The following MEF2A variants were observed in gnomAD, a reference collection of about 807,000 sequenced individuals.
The protein encoded by MEF2A is myocyte-specific enhancer factor 2A.
MEF2A carries 28 observed loss-of-function variants against 55.8 expected under a neutral mutation model. The ratio of observed to expected loss-of-function variants is 0.50; its 90% CI spans 0.37 to 0.69. MEF2A has a LOEUF of 0.69. Among genes scored for constraint, MEF2A ranks in the 30% least tolerant of loss-of-function variants. The pLI, the probability that MEF2A is intolerant of heterozygous loss-of-function variation, is 0.00. For missense variants in MEF2A, 528 were observed against 626.2 expected (o/e 0.84, Z 1.67); for synonymous variants, 239 against 227.1 (o/e 1.05, Z -0.47).
intron 4 of MEF2A, among the ~76,000 whole-genome samples, chr15:99,660,525 C>T (rs2153566552): frequency 6.6e-6 from 1 of 152,230 alleles, no homozygotes; most frequent in Admixed American, 6.5e-5. Flanking sequence ...GAATGGGAAC[C>T]CTGAGGTCCT....
chr15:99,599,596 A>G (rs1972317903), intron 2 of MEF2A, among the ~76,000 whole-genome samples: 1 of 152,166 alleles, frequency 6.6e-6, no homozygotes, highest in Admixed American at 6.6e-5. Context: ...AGCCCATTTA[A>G]TGATTGATAA....
At chr15:99,603,846 A>T (rs1974169568) in intron 2 of MEF2A, among the ~76,000 whole-genome samples, 1 of 152,144 alleles carries the variant, frequency 6.6e-6, no homozygotes, top group South Asian at 2.1e-4. Flanking sequence ...ATAATTTCTG[A>T]AAGAGAAGTG....
intron 8 of MEF2A, among the ~76,000 whole-genome samples, chr15:99,699,145 A>G (rs751867302): frequency 6.6e-6 from 1 of 152,212 alleles, no homozygotes; most frequent in Non-Finnish European, 1.5e-5. Flanking sequence ...AACTATACTT[A>G]TAAGAAACCC....
At chr15:99,601,545 G>C (rs915513970) in intron 2 of MEF2A, among the ~76,000 whole-genome samples, 1 of 149,178 alleles carries the variant, frequency 6.7e-6, no homozygotes, top group Admixed American at 6.7e-5. Context: ...TCACGAGTAG[G>C]TGTTGAATTT....
intron 7 of MEF2A, among the ~76,000 whole-genome samples, chr15:99,681,208 C>G (rs1391173015): frequency 6.6e-6 from 1 of 152,236 alleles, no homozygotes; most frequent in Middle Eastern, 3.4e-3. Flanking sequence ...TCAAGATGCT[C>G]TTGGAATTAT....
chr15:99,700,437 A>C (rs1567485090), intron 8 of MEF2A, among the ~76,000 whole-genome samples: 1 of 151,814 alleles, frequency 6.6e-6, no homozygotes. Context: ...GCTTGAGCCC[A>C]GGAAGTCGAG....
chr15:99,598,686 T>C (rs1234036395), intron 2 of MEF2A, among the ~76,000 whole-genome samples, 175 bp downstream of exon 2: 1 of 152,182 alleles, frequency 6.6e-6, no homozygotes, highest in African/African-American at 2.4e-5. Flanking sequence ...ATGCGTAATA[T>C]TGTGTAGTGG....
At chr15:99,620,249 A>C (rs1324973202) in intron 2 of MEF2A, among the ~76,000 whole-genome samples, 1 of 152,116 alleles carries the variant, frequency 6.6e-6, no homozygotes, top group African/African-American at 2.4e-5. Flanking sequence ...ACATGAGTAA[A>C]TTGCGTGTCA....
intron 2 of MEF2A, among the ~76,000 whole-genome samples, chr15:99,610,383 T>C (rs1444135688): frequency 1.4e-5 from 2 of 142,264 alleles, no homozygotes; most frequent in African/African-American, 5.5e-5. Flanking sequence ...TTAACACAAT[T>C]CCTATCAAAG....
chr15:99,691,892 A>C (rs1031447815), intron 8 of MEF2A, among the ~76,000 whole-genome samples: 2 of 152,014 alleles, frequency 1.3e-5, no homozygotes, highest in Non-Finnish European at 2.9e-5. Flanking sequence ...TTCTAGTCTC[A>C]TTTGTTTTTG....
intron 1 of MEF2A, among the ~76,000 whole-genome samples, chr15:99,592,496 T>C (rs1208296256): frequency 1.3e-5 from 2 of 152,174 alleles, no homozygotes; most frequent in African/African-American, 2.4e-5. Context: ...GTTAGTCTGT[T>C]TGCATTGCTG....
intron 2 of MEF2A, among the ~76,000 whole-genome samples, chr15:99,600,373 T>A (rs1312369147): frequency 6.6e-6 from 1 of 152,156 alleles, no homozygotes; most frequent in Non-Finnish European, 1.5e-5. Flanking sequence ...CTTGAGTGTT[T>A]AGATTGGAAA....
intron 8 of MEF2A, among the ~76,000 whole-genome samples, chr15:99,699,864 A>G (rs1445464272): frequency 6.6e-6 from 1 of 151,860 alleles, no homozygotes; most frequent in Non-Finnish European, 1.5e-5. Context: ...TGGAGGAGAA[A>G]GTTGCAGATA....
intron 3 of MEF2A, among the ~76,000 whole-genome samples, chr15:99,633,789 A>G (rs771526609): frequency 2.6e-5 from 4 of 151,930 alleles, no homozygotes; most frequent in Non-Finnish European, 5.9e-5. Flanking sequence ...TTAAGTGTCT[A>G]ATGTTGGCTT....
chr15:99,666,640 G>T (rs1397943961), intron 4 of MEF2A, among the ~76,000 whole-genome samples: 1 of 150,090 alleles, frequency 6.7e-6, no homozygotes, highest in African/African-American at 2.4e-5. Context: ...AAAAAGGAAG[G>T]CTTTTAAAGT....
intron 1 of MEF2A, among the ~76,000 whole-genome samples, chr15:99,589,393 T>C (rs1968499067): frequency 6.6e-6 from 1 of 152,194 alleles, no homozygotes; most frequent in Admixed American, 6.5e-5. Context: ...CTTTCTTTTA[T>C]TTCTGATGTT....
At chr15:99,700,068 C>A (rs976956577) in intron 8 of MEF2A, among the ~76,000 whole-genome samples, 1 of 142,580 alleles carries the variant, frequency 7.0e-6, no homozygotes, top group Non-Finnish European at 1.5e-5. Flanking sequence ...CCATGTTGGC[C>A]AGGCTGGTCT....
intron 7 of MEF2A, among the ~76,000 whole-genome samples, chr15:99,683,533 A>G (rs2053631536): frequency 6.6e-6 from 1 of 151,938 alleles, no homozygotes; most frequent in Non-Finnish European, 1.5e-5. Flanking sequence ...CAGCCTCCCT[A>G]GTAGCCAGGA....
chr15:99,659,118 C>T (rs1283412970), intron 4 of MEF2A, among the ~76,000 whole-genome samples: 2 of 152,124 alleles, frequency 1.3e-5, no homozygotes, highest in Non-Finnish European at 2.9e-5. Context: ...ACTTTCTTGT[C>T]TGTGGTGCAC....
Sources: gnomAD v4.1 joint callset for allele counts (sites outside exome capture counted in the v4.1 genomes callset) on GRCh38, gnomAD v4.1.1 for gene constraint, MANE v1.5 for transcripts, NCBI Gene and HGNC (gene_info 2026-07-23, HGNC 2026-07-21) for gene names.